Variants in IL10RB observed in about 807,000 individuals in gnomAD.
The protein encoded by IL10RB is interleukin-10 receptor subunit beta.
In IL10RB, 30 loss-of-function variants were observed where a neutral mutation model predicts 38.7. That is an observed-to-expected ratio of 0.78 (90% CI 0.58 to 1.05). The LOEUF (loss-of-function observed/expected upper bound fraction) is 1.05, where lower values mean the gene tolerates loss of function less well. Among genes scored for constraint, IL10RB ranks in the 50% least tolerant of loss-of-function variants. The pLI is 0.00. For missense variants in IL10RB, 328 were observed against 397.1 expected (o/e 0.83, Z 1.48); for synonymous variants, 142 against 145.9 (o/e 0.97, Z 0.19).
rs771094316 is a variant in IL10RB at position 33,268,509 on chromosome 21, G to A, written c.165G>A (p.Gln55=). 8 of 1,611,334 alleles carry A rather than the reference G, an allele frequency of 5.0e-6. No homozygotes were observed. Among genetic ancestry groups the A allele is most frequent in the Non-Finnish European group, 6.8e-6 (8 of 1,177,452 alleles). Residue 55 remains glutamine, a synonymous_variant, in exon 2 of 7, where the codon CAG becomes CAA. Coordinates refer to ENST00000290200, the MANE Select transcript of IL10RB (RefSeq NM_000628.5). ...AAGGGAACCTGACTTTCACAGCTCA[G>A]TACCTAAGGTGGGTCTGGCCTCACT... ...FAKGNLTFTA[Q]YLSYRIFQDK...
At chr21:33,287,328 C>G (rs1279619001) in intron 5 of IL10RB, among the ~76,000 whole-genome samples, 2 of 139,776 alleles carry the variant, frequency 1.4e-5, no homozygotes, top group African/African-American at 5.8e-5. Context: ...TTGGCCAAGT[C>G]TCTTAGTGCA....
chr21:33,270,524 G>C (rs1989056892), intron 2 of IL10RB, among the ~76,000 whole-genome samples: 1 of 151,840 alleles, frequency 6.6e-6, no homozygotes, highest in African/African-American at 2.4e-5. Flanking sequence ...GGGACTACAG[G>C]CGCCCGCCAC....
At chr21:33,280,747 T>G (rs2123580504) in intron 4 of IL10RB, among the ~76,000 whole-genome samples, 1 of 152,328 alleles carries the variant, frequency 6.6e-6, no homozygotes, top group Middle Eastern at 3.4e-3. Flanking sequence ...CCCTTCCACA[T>G]TAAATGTTGA....
intron 2 of IL10RB, among the ~76,000 whole-genome samples, chr21:33,276,027 T>C (rs1180299174): frequency 6.6e-6 from 1 of 152,252 alleles, no homozygotes; most frequent in Non-Finnish European, 1.5e-5. Flanking sequence ...GAAGTGAGCA[T>C]GTGCTGTTGG....
intron 3 of IL10RB, 128 bp from the exon 4 acceptor site, chr21:33,279,624 G>A: frequency 1.2e-6 from 1 of 805,920 alleles, no homozygotes; most frequent in South Asian, 1.4e-5. Flanking sequence ...GTCAATCAAT[G>A]TCATGACAAT....
At chr21:33,279,477 T>TA (rs1989239851) in intron 3 of IL10RB, among the ~76,000 whole-genome samples, 1 of 151,872 alleles carries the variant, frequency 6.6e-6, no homozygotes, top group African/African-American at 2.4e-5. Flanking sequence ...TTATAGAAAA[T>TA]ACAAAATAGC....
intron 1 of IL10RB, 158 bp from the exon 2 acceptor site, chr21:33,268,236 A>G (rs1989009253): frequency 4.6e-6 from 7 of 1,534,618 alleles, no homozygotes; most frequent in Non-Finnish European, 6.1e-6. Context: ...AAGAAAATCT[A>G]GACTCCTCAG....
intron 6 of IL10RB, 124 bp downstream of exon 6, chr21:33,288,385 A>T (rs562972112): frequency 3.2e-6 from 2 of 628,150 alleles, no homozygotes; most frequent in Admixed American, 4.4e-5. Context: ...GCGCGCGCAC[A>T]CACACACACA....
chr21:33,295,275 G>A (rs1040896986), intron 6 of IL10RB, among the ~76,000 whole-genome samples: 40 of 147,134 alleles, frequency 2.7e-4, no homozygotes, highest in African/African-American at 8.3e-4. Context: ...GGGGAGTGGC[G>A]TGAACCCGAG....
downstream of IL10RB, among the ~76,000 whole-genome samples, chr21:33,299,247 A>G (rs1277829375): frequency 6.6e-6 from 1 of 152,124 alleles, no homozygotes; most frequent in Non-Finnish European, 1.5e-5. Flanking sequence ...CAATTTCCTT[A>G]GCATAAGACA....
intron 5 of IL10RB, among the ~76,000 whole-genome samples, chr21:33,284,312 AG>A (rs748324688): frequency 0.27 from 36,837 of 136,084 alleles, 5,273 homozygotes; most frequent in Non-Finnish European, 0.33. Flanking sequence ...AAAAAAAAAA[AG>A]AAAAGAAAAC....
chr21:33,289,910 C>T (rs1326234734), intron 6 of IL10RB, among the ~76,000 whole-genome samples: 1 of 152,106 alleles, frequency 6.6e-6, no homozygotes, highest in Non-Finnish European at 1.5e-5. Flanking sequence ...GTCAGGAGAT[C>T]GAGACCATCC....
intron 6 of IL10RB, among the ~76,000 whole-genome samples, chr21:33,295,086 C>G (rs2082958240): frequency 1.3e-5 from 2 of 152,196 alleles, no homozygotes; most frequent in African/African-American, 4.8e-5. Flanking sequence ...AAAGATTGGG[C>G]CGGGTGCGGT....
chr21:33,292,909 T>A (rs141462477), intron 6 of IL10RB, among the ~76,000 whole-genome samples: 2 of 152,314 alleles, frequency 1.3e-5, no homozygotes, highest in East Asian at 3.9e-4. Context: ...GGCCCTTTCC[T>A]GCCTGGGGCC....
chr21:33,301,305 T>C (rs1265464910), downstream of IL10RB, among the ~76,000 whole-genome samples: 1 of 152,242 alleles, frequency 6.6e-6, no homozygotes, highest in East Asian at 1.9e-4. Context: ...TCACCACTCC[T>C]GTTTGAATCA....
intron 3 of IL10RB, 120 bp downstream of exon 3, chr21:33,276,873 G>A: frequency 1.3e-6 from 1 of 757,014 alleles, no homozygotes; most frequent in Admixed American, 2.2e-5. Context: ...CCTTGCACAA[G>A]GAGCTTAAGG....
At chr21:33,303,194 G>A (rs963853573) in intron 1 of IL10RB, among the ~76,000 whole-genome samples, 6 of 151,970 alleles carry the variant, frequency 3.9e-5, no homozygotes, top group East Asian at 1.9e-4. Flanking sequence ...GCTAGTTCCC[G>A]GGTCCATAAA....
chr21:33,271,607 A>T (rs1989082034), intron 2 of IL10RB, among the ~76,000 whole-genome samples: 1 of 152,158 alleles, frequency 6.6e-6, no homozygotes, highest in African/African-American at 2.4e-5. Flanking sequence ...GCATACCTGT[A>T]GTCCCAGCTA....
chr21:33,294,985 A>G (rs948424419), intron 6 of IL10RB, among the ~76,000 whole-genome samples: 2 of 152,250 alleles, frequency 1.3e-5, no homozygotes, highest in Admixed American at 1.3e-4. Context: ...GTTGGTGTCT[A>G]TTAAAAGTGA....
Sources: gnomAD v4.1 joint callset for allele counts (sites outside exome capture counted in the v4.1 genomes callset) on GRCh38, gnomAD v4.1.1 for gene constraint, MANE v1.5 for transcripts, NCBI Gene and HGNC (gene_info 2026-07-23, HGNC 2026-07-21) for gene names.